Variants in NOS1AP observed in about 807,000 individuals in gnomAD.
NOS1AP encodes nitric oxide synthase 1 adaptor protein.
A neutral mutation model predicts 56.2 loss-of-function variants in NOS1AP; 21 were observed. That is an observed-to-expected ratio of 0.37 (90% CI 0.26 to 0.54). NOS1AP has a LOEUF of 0.54. Among genes scored for constraint, NOS1AP ranks in the 20% least tolerant of loss-of-function variants. The probability of loss-of-function intolerance (pLI) is 0.84; values close to 1 mark genes in which losing one functional copy is unlikely to be tolerated. For missense variants in NOS1AP, 522 were observed against 657.8 expected (o/e 0.79, Z 2.26); for synonymous variants, 270 against 274.6 (o/e 0.98, Z 0.17).
chr1:162,250,033 T>TC (rs754395689), intron 2 of NOS1AP, among the ~76,000 whole-genome samples: 4 of 152,194 alleles, frequency 2.6e-5, no homozygotes, highest in Non-Finnish European at 2.9e-5. Flanking sequence ...AGCAGTCAAA[T>TC]CCCATGCCCT....
intron 2 of NOS1AP, among the ~76,000 whole-genome samples, chr1:162,230,244 G>C (rs879505612): frequency 6.6e-6 from 1 of 152,150 alleles, no homozygotes; most frequent in Non-Finnish European, 1.5e-5. Flanking sequence ...GGACGGAGGG[G>C]TGTATGCTGC....
intron 2 of NOS1AP, among the ~76,000 whole-genome samples, chr1:162,190,575 T>C (rs1042099025): frequency 5.9e-5 from 9 of 151,890 alleles, no homozygotes; most frequent in African/African-American, 2.2e-4. Flanking sequence ...AATTAGCATA[T>C]TCATAATCTC....
chr1:162,080,508 G>A (rs1198200505), intron 1 of NOS1AP, among the ~76,000 whole-genome samples: 1 of 152,132 alleles, frequency 6.6e-6, no homozygotes, highest in Non-Finnish European at 1.5e-5. Flanking sequence ...GGGAGTAAGG[G>A]GGTGACCAAG....
At chr1:162,251,219 G>A (rs1035886422) in intron 2 of NOS1AP, among the ~76,000 whole-genome samples, 1 of 152,088 alleles carries the variant, frequency 6.6e-6, no homozygotes, top group Admixed American at 6.6e-5. Context: ...CAGCAATATG[G>A]TGTCATGCCA....
chr1:162,106,582 C>T (rs1647519569), intron 1 of NOS1AP, among the ~76,000 whole-genome samples: 1 of 152,098 alleles, frequency 6.6e-6, no homozygotes, highest in Admixed American at 6.6e-5. Context: ...GCAGTAGACC[C>T]TTGACTTACA....
chr1:162,160,386 A>C (rs1650151349), intron 2 of NOS1AP, among the ~76,000 whole-genome samples: 1 of 152,198 alleles, frequency 6.6e-6, no homozygotes, highest in African/African-American at 2.4e-5. Flanking sequence ...AAGAAAAACA[A>C]AAACAGAAAA....
intron 2 of NOS1AP, among the ~76,000 whole-genome samples, chr1:162,208,999 A>G (rs1187614940): frequency 1.3e-5 from 2 of 152,246 alleles, no homozygotes; most frequent in Non-Finnish European, 2.9e-5. Flanking sequence ...ACAGGCCTGC[A>G]GTCCCTTACT....
chr1:162,317,989 C>T (rs1221618887), intron 4 of NOS1AP, among the ~76,000 whole-genome samples: 1 of 152,098 alleles, frequency 6.6e-6, no homozygotes, highest in Non-Finnish European at 1.5e-5. Flanking sequence ...AAAATACTGC[C>T]CAAGAAAGGG....
intron 2 of NOS1AP, among the ~76,000 whole-genome samples, chr1:162,264,073 C>A (rs952103371): frequency 7.7e-4 from 118 of 152,326 alleles, no homozygotes; most frequent in African/African-American, 2.7e-3. Context: ...TGCCTCCACG[C>A]TGAACCTGTT....
intron 3 of NOS1AP, among the ~76,000 whole-genome samples, chr1:162,290,846 G>A (rs1422380448): frequency 6.6e-6 from 1 of 152,144 alleles, no homozygotes; most frequent in Non-Finnish European, 1.5e-5. Flanking sequence ...TTGGCCTGTG[G>A]TTCTAAGCAT....
intron 2 of NOS1AP, among the ~76,000 whole-genome samples, chr1:162,281,454 A>G (rs1267896973): frequency 6.6e-6 from 1 of 152,194 alleles, no homozygotes; most frequent in Non-Finnish European, 1.5e-5. Flanking sequence ...CTGTGGGATA[A>G]ATAAATAATC....
At chr1:162,092,642 T>G (rs1692160475) in intron 1 of NOS1AP, among the ~76,000 whole-genome samples, 4 of 152,304 alleles carry the variant, frequency 2.6e-5, no homozygotes, top group Middle Eastern at 3.4e-3. Context: ...GGTACATGAT[T>G]TATGCTCAAT....
intron 1 of NOS1AP, among the ~76,000 whole-genome samples, chr1:162,125,424 G>A (rs1164379454): frequency 1.3e-5 from 2 of 152,088 alleles, no homozygotes; most frequent in African/African-American, 2.4e-5. Context: ...ATGAGCCACC[G>A]CGCCTGGCCT....
intron 2 of NOS1AP, among the ~76,000 whole-genome samples, chr1:162,171,844 C>T (rs978970932): frequency 1.3e-5 from 2 of 152,158 alleles, no homozygotes; most frequent in Admixed American, 6.6e-5. Context: ...GTGCCAGCCT[C>T]TCTCCTTTCA....
intron 3 of NOS1AP, among the ~76,000 whole-genome samples, chr1:162,289,049 A>G (rs968943438): frequency 6.6e-6 from 1 of 152,162 alleles, no homozygotes; most frequent in African/African-American, 2.4e-5. Flanking sequence ...TGAGCAAAAG[A>G]TATCCTCAGA....
At chr1:162,323,137 A>G (rs1193834591) in intron 4 of NOS1AP, among the ~76,000 whole-genome samples, 4 of 152,348 alleles carry the variant, frequency 2.6e-5, no homozygotes, top group East Asian at 1.9e-4. Flanking sequence ...TCCAATGACC[A>G]GGGTCCTTAC....
At chr1:162,348,114 TC>T (rs1219165253) in intron 6 of NOS1AP, among the ~76,000 whole-genome samples, 2 of 152,182 alleles carry the variant, frequency 1.3e-5, no homozygotes, top group Non-Finnish European at 2.9e-5. Flanking sequence ...GGTAGGGACT[TC>T]CTAGCACAGT....
chr1:162,176,505 C>CTT (rs34280743), intron 2 of NOS1AP, among the ~76,000 whole-genome samples: 1,096 of 87,438 alleles, frequency 0.013, 30 homozygotes, highest in Non-Finnish European at 0.014. Flanking sequence ...CATAATAGCT[C>CTT]TTTTTTTTTT....
intron 2 of NOS1AP, among the ~76,000 whole-genome samples, chr1:162,251,865 T>TG (rs1299004847): frequency 6.5e-4 from 66 of 100,936 alleles, no homozygotes; most frequent in African/African-American, 1.1e-3. Context: ...TTGTTTTTTT[T>TG]TTTGTTTTTT....
Sources: gnomAD v4.1 joint callset for allele counts (sites outside exome capture counted in the v4.1 genomes callset) on GRCh38, gnomAD v4.1.1 for gene constraint, MANE v1.5 for transcripts, NCBI Gene and HGNC (gene_info 2026-07-23, HGNC 2026-07-21) for gene names.